The following TMPRSS6 variants were observed in gnomAD, a reference collection of about 807,000 sequenced individuals.
TMPRSS6 encodes the protein transmembrane protease serine 6.
Under a neutral mutation model 101.5 loss-of-function variants are expected in TMPRSS6, and 67 were observed. The ratio of observed to expected loss-of-function variants is 0.66; its 90% CI spans 0.54 to 0.81. The LOEUF is 0.81. TMPRSS6 is among the 30% of genes least tolerant of loss of function. The pLI, the probability that TMPRSS6 is intolerant of heterozygous loss-of-function variation, is 0.00. For missense variants in TMPRSS6, 1,034 were observed against 1,088.7 expected (o/e 0.95, Z 0.71); for synonymous variants, 453 against 464.9 (o/e 0.97, Z 0.33).
chr22:37,074,748 C>T (rs1294876618), intron 11 of TMPRSS6, 40 bp from the exon 12 acceptor site: 1 of 1,604,162 alleles, frequency 6.2e-7, no homozygotes, highest in Non-Finnish European at 8.5e-7. Flanking sequence ...GGCAGGGCGC[C>T]ATTAGGCCAT....
chr22:37,069,493 T>C lies in TMPRSS6; in HGVS notation c.1842-149A>G, dbSNP rs1197008813. 4.9e-6 allele frequency: 4 copies of C among 817,556 alleles called. No homozygotes were observed. Among genetic ancestry groups the C allele is most frequent in the Non-Finnish European group, 7.6e-6 (4 of 523,910 alleles). The allele number at this position is 817,556 out of a possible 1,614,324, so 50.6% of individuals were successfully genotyped here. On this transcript the variant is annotated intron_variant, in intron 15 of 17. Coordinates refer to ENST00000676104, the MANE Select transcript of TMPRSS6 (RefSeq NM_001374504.1). This position sits in a 1 kb window ranked among gnomAD's most constrained non-coding sequence, Gnocchi z 4.8. ...CTCCCTTCCCTCCCTGAAGGTCGCCTAGCTGGTGGTACAGCGTTCAGCCTT... is the reference window on the plus strand; with the variant it reads ...CTCCCTTCCCTCCCTGAAGGTCGCCCAGCTGGTGGTACAGCGTTCAGCCTT...
chr22:37,096,498 G>C, intron 4 of TMPRSS6, 150 bp downstream of exon 4: 1 of 834,226 alleles, frequency 1.2e-6, no homozygotes, highest in South Asian at 1.4e-5. Flanking sequence ...AGTGAAGGGA[G>C]GGTGACATGC....
At chr22:37,068,996 C>A (rs1926592432) in intron 16 of TMPRSS6, 77 bp downstream of exon 16, 3 of 1,515,924 alleles carry the variant, frequency 2.0e-6, no homozygotes, top group African/African-American at 2.8e-5. Flanking sequence ...CCAGCCCCGC[C>A]CTTCTCCAGG....
chr22:37,080,979 TGTGCACCCAC>T (rs1380814588), intron 10 of TMPRSS6, among the ~76,000 whole-genome samples: 2 of 152,392 alleles, frequency 1.3e-5, no homozygotes, highest in East Asian at 3.9e-4. Context: ...GACATGCATC[TGTGCACCCAC>T]GTGCACTCCA....
chr22:37,104,008 G>GGGAACAAAA (rs575263657), intron 1 of TMPRSS6, among the ~76,000 whole-genome samples: 12 of 152,138 alleles, frequency 7.9e-5, no homozygotes, highest in Non-Finnish European at 1.6e-4. Context: ...GGCAGAGGAA[G>GGGAACAAAA]GGAACAAAAA....
At position 37,101,305 on chromosome 22, in the gene TMPRSS6, C is replaced by A. The variant is rs566328875; in HGVS notation, c.202+1911G>T. 3.3e-5 allele frequency among the ~76,000 whole-genome samples: 5 copies of A among 151,792 alleles called. No individual in the cohort carries two copies. The highest frequency in any genetic ancestry group is 5.9e-5 in the Non-Finnish European group (4 of 67,946). ...CACTGAAGCAGGAGACAGGGGCAGG[C>A]GGGTGCTGGGGGCTTGAGAACACAT... is the stretch of plus-strand genomic sequence containing the variant. On this transcript the variant is annotated intron_variant, in intron 2 of 17. Transcript: ENST00000676104. This position sits in a 1 kb window ranked among gnomAD's most constrained non-coding sequence, Gnocchi z 4.1.
At chr22:37,078,980 A>AGAAAGAAAGAAAGAAAGAAG (rs1928014009) in intron 10 of TMPRSS6, among the ~76,000 whole-genome samples, 1 of 144,040 alleles carries the variant, frequency 6.9e-6, no homozygotes, top group East Asian at 2.0e-4. Flanking sequence ...AGAAAAAGAA[A>AGAAAGAAAGAAAGAAAGAAG]GAAAGAAAGA....
Position 37,103,597 on chromosome 22 carries a change from C to T in TMPRSS6, c.-1-179G>A. The T allele has an allele frequency of 2.5e-6, 4 of 1,611,214 alleles. No individual in the cohort carries two copies. The South Asian group carries it at 4.4e-5, about 18-fold the overall frequency. On this transcript the variant is annotated intron_variant, in intron 1 of 17. Transcript: ENST00000676104. The surrounding 1 kb of genome is among the most constrained non-coding windows in gnomAD (Gnocchi z 4.4). ...CAGCTCACAGAGGAGGGAAGTGCAT[C>T]TCAGGTCAGCTCGCACCAGAGGGCA...
At chr22:37,076,490 T>C (rs1228323607) in intron 10 of TMPRSS6, among the ~76,000 whole-genome samples, 1 of 151,624 alleles carries the variant, frequency 6.6e-6, no homozygotes, top group African/African-American at 2.4e-5. Flanking sequence ...GGTGGGGGAA[T>C]CTCCAGAGAG....
At chr22:37,097,751 A>AG (rs1929908047) in intron 3 of TMPRSS6, among the ~76,000 whole-genome samples, 1 of 103,528 alleles carries the variant, frequency 9.7e-6, no homozygotes, top group Non-Finnish European at 1.9e-5. Context: ...GAGGGGCAGG[A>AG]GCGGCCACTG....
intron 17 of TMPRSS6, among the ~76,000 whole-genome samples, 176 bp from the exon 18 acceptor site, chr22:37,066,414 C>T (rs886531821): frequency 6.6e-6 from 1 of 152,238 alleles, no homozygotes; most frequent in Non-Finnish European, 1.5e-5. Context: ...CAAGCCAGCC[C>T]TCCCCGGCCT....
intron 7 of TMPRSS6, among the ~76,000 whole-genome samples, chr22:37,087,964 G>C (rs1002752569): frequency 6.6e-6 from 1 of 152,110 alleles, no homozygotes; most frequent in Non-Finnish European, 1.5e-5. Context: ...TCCCTAGCAG[G>C]TGTCTGGGGT....
At chr22:37,077,963 C>T (rs374485357) in intron 10 of TMPRSS6, among the ~76,000 whole-genome samples, 10 of 152,202 alleles carry the variant, frequency 6.6e-5, no homozygotes, top group African/African-American at 2.2e-4. Flanking sequence ...CGGTGGGGGA[C>T]GAGGCACCGC....
At chr22:37,098,374 C>A (rs1930005697) in intron 3 of TMPRSS6, 42 bp downstream of exon 3, 1 of 1,612,570 alleles carries the variant, frequency 6.2e-7, no homozygotes, top group Non-Finnish European at 8.5e-7. Context: ...TCTCTTTTCA[C>A]CCCCATATTC....
intron 1 of TMPRSS6, among the ~76,000 whole-genome samples, chr22:37,108,574 C>T (rs1045177006): frequency 3.9e-5 from 6 of 152,334 alleles, no homozygotes; most frequent in African/African-American, 1.2e-4. Flanking sequence ...GGAGGCTGAG[C>T]TCCTTGGGGC....
Position 37,079,519 on chromosome 22 carries a change from A to G in TMPRSS6, c.1197-4239T>C, listed in dbSNP as rs139606915. Among the ~76,000 whole-genome samples the G allele has an allele frequency of 1.6e-3, 242 of 152,300 alleles. 1 individual carries two copies. Among genetic ancestry groups the G allele is most frequent in the Middle Eastern group, 3.4e-3 (1 of 294 alleles). ...AATGCACACCCCCGTGCCCTTACCT[A>G]CAGACAGATTAAAGGGGAAGGAGGG... On this transcript the variant is annotated intron_variant, in intron 10 of 17. Coordinates refer to ENST00000676104, the MANE Select transcript of TMPRSS6 (RefSeq NM_001374504.1).
Position 37,103,360 on chromosome 22 carries a change from C to T in TMPRSS6, c.58G>A (p.Glu20Lys), listed in dbSNP as rs758912404. The T allele has an allele frequency of 2.5e-5, 40 of 1,614,064 alleles. No individual in the cohort carries two copies. Among genetic ancestry groups the T allele is most frequent in the East Asian group, 6.7e-5 (3 of 44,896 alleles). The stretch of plus-strand genomic sequence containing the variant: ...AACATCCCCTCCGGCTCCGCTTCCT[C>T]GCCATCACCTCCGTCCCCCTGCCCG... ...AGGQGDGGDG[E>K]EAEPEGMFKA... Residue 20 changes from glutamate to lysine, a missense_variant, in exon 2 of 18, where the codon GAG (glutamate) becomes AAG (lysine). Glu to Lys is a moderately conservative substitution (Grantham distance 56). Coordinates refer to ENST00000676104, the MANE Select transcript of TMPRSS6 (RefSeq NM_001374504.1). This position sits in a 1 kb window ranked among gnomAD's most constrained non-coding sequence, Gnocchi z 4.4.
At chr22:37,098,682 GTCA>G (rs912580156) in intron 2 of TMPRSS6, 133 bp from the exon 3 acceptor site, 21 of 1,125,698 alleles carry the variant, frequency 1.9e-5, no homozygotes, top group Non-Finnish European at 2.5e-5. Context: ...CACCATCAAT[GTCA>G]TCATCATCAT....
rs1926701602 is a variant in TMPRSS6 at position 37,069,634 on chromosome 22, A to C, written c.1842-290T>G. Among the ~76,000 whole-genome samples the C allele has an allele frequency of 6.6e-6, 1 of 152,158 alleles. No individual in the cohort carries two copies. Among genetic ancestry groups the C allele is most frequent in the Non-Finnish European group, 1.5e-5 (1 of 68,032 alleles). On this transcript the variant is annotated intron_variant, in intron 15 of 17. Transcript: ENST00000676104. The surrounding 1 kb of genome is among the most constrained non-coding windows in gnomAD (Gnocchi z 4.8). The stretch of plus-strand genomic sequence containing the variant: ...AAATGGGAATGGCATTTTCTACTCG[A>C]ATGTTCTTGAGAGAATCCAATAAGA...
Sources: gnomAD v4.1 joint callset for allele counts (sites outside exome capture counted in the v4.1 genomes callset) on GRCh38, gnomAD v4.1.1 for gene constraint, Gnocchi (gnomAD v3.1) non-coding constraint, MANE v1.5 for transcripts, NCBI Gene and HGNC (gene_info 2026-07-23, HGNC 2026-07-21) for gene names.